Variants in SLAMF8 observed in about 807,000 individuals in gnomAD.
The protein encoded by SLAMF8 is SLAM family member 8.
In SLAMF8, 23 loss-of-function variants were observed where a neutral mutation model predicts 29.0. The ratio of observed to expected loss-of-function variants is 0.79; its 90% confidence interval spans 0.57 to 1.13. The LOEUF is 1.13. Among genes scored for constraint, SLAMF8 ranks in the 50% most tolerant of loss-of-function variants. The pLI is 0.00. For missense variants in SLAMF8, 381 were observed against 353.1 expected (o/e 1.08, Z -0.63); for synonymous variants, 139 against 145.6 (o/e 0.96, Z 0.32).
At chr1:159,831,036 C>T (rs1408623052) in intron 2 of SLAMF8, among the ~76,000 whole-genome samples, 1 of 152,200 alleles carries the variant, frequency 6.6e-6, no homozygotes. Flanking sequence ...TGTTTCCCAA[C>T]AACTCCACCT....
In SLAMF8 at chr1:159,835,180, C is replaced by A; in HGVS notation, c.782-4C>A. The A allele has an allele frequency of 6.2e-7, 1 of 1,613,540 alleles. No individual in the cohort carries two copies. Reference sequence around the variant, plus strand: ...GGTAACTTTCTTTCTGATGTCCTTACCAGGGAAAAAGAAAAAGGATGTCCA... The same window carrying A: ...GGTAACTTTCTTTCTGATGTCCTTAACAGGGAAAAAGAAAAAGGATGTCCA... On this transcript the variant is annotated splice_polypyrimidine_tract_variant and splice_region_variant and intron_variant, in intron 4 of 4. Coordinates refer to ENST00000289707, the MANE Select transcript of SLAMF8 (RefSeq NM_020125.3).
Position 159,837,192 on chromosome 1 carries a change from C to T in SLAMF8, c.*1932C>T, listed in dbSNP as rs760759722. On this transcript the variant is annotated 3_prime_UTR_variant, in exon 5 of 5. Coordinates refer to ENST00000289707, the MANE Select transcript of SLAMF8 (RefSeq NM_020125.3). Reference sequence around the variant, plus strand: ...TTCGACAGTGGTTTGTAGCGTGGTGCACCAGGGCCTTGTTGAACAGATCCA... The same window carrying T: ...TTCGACAGTGGTTTGTAGCGTGGTGTACCAGGGCCTTGTTGAACAGATCCA... 26 of 984,718 alleles carry T rather than the reference C, an allele frequency of 2.6e-5. No homozygotes were observed. The highest frequency in any genetic ancestry group is 4.7e-5 in the South Asian group (1 of 21,224). 61.0% of individuals were successfully genotyped at this position (984,718 alleles called of 1,614,324 possible). A position where few individuals can be genotyped will look rare whatever the true frequency, so the allele number is the denominator to read the frequency against.
rs1018565070 is a variant in SLAMF8 at position 159,832,967 on chromosome 1, G to T, written c.459G>T (p.Trp153Cys). Residue 153 changes from tryptophan (W) to cysteine (C), a missense_variant, in exon 3 of 5, where the codon TGG (tryptophan) becomes TGT (cysteine). Transcript: ENST00000289707. ...SKTCQVFLSC[W>C]APNISEITYS... Reference sequence around the variant, plus strand: ...CCTGCCAGGTTTTCTTGTCCTGTTGGGCCCCCAACATCAGCGAAATAACCT... The same window carrying T: ...CCTGCCAGGTTTTCTTGTCCTGTTGTGCCCCCAACATCAGCGAAATAACCT... 1.9e-6 allele frequency: 3 copies of T among 1,614,186 alleles called. No homozygotes were observed. In the Admixed American group the frequency reaches 5.0e-5, roughly 27 times the overall value.
chr1:159,827,587 A>G (rs1288046678), intron 1 of SLAMF8, among the ~76,000 whole-genome samples: 4 of 152,168 alleles, frequency 2.6e-5, no homozygotes, highest in African/African-American at 4.8e-5. Context: ...AGCAGCCAAC[A>G]TGACATGGGT....
At chr1:159,831,744 C>G (rs1189823250) in intron 2 of SLAMF8, among the ~76,000 whole-genome samples, 3 of 152,152 alleles carry the variant, frequency 2.0e-5, no homozygotes. Flanking sequence ...GCCAAGCAGC[C>G]GTCCTTAGGA....
At chr1:159,829,052 C>G (rs913030427) in intron 1 of SLAMF8, among the ~76,000 whole-genome samples, 10 of 152,160 alleles carry the variant, frequency 6.6e-5, no homozygotes, top group African/African-American at 2.4e-4. Context: ...TTACCAAATC[C>G]TACTGATTAC....
Position 159,829,912 on chromosome 1 carries a change from C to A in SLAMF8, c.87C>A (p.Val29=), listed in dbSNP as rs1024122954. ...CTGGTGCCCAAGTGCTGAGCAAAGT[C>A]GGGGGCTCGGTGCTGCTGGTGGCAG... is the stretch of plus-strand genomic sequence containing the variant. The part of the protein sequence containing the change: ...TVTGAQVLSK[V]GGSVLLVAAR... The change falls in exon 2 of 5, where the codon GTC becomes GTA. Residue 29 remains valine (V), a synonymous_variant. Coordinates refer to ENST00000289707, the MANE Select transcript of SLAMF8 (RefSeq NM_020125.3). 6.8e-6 allele frequency: 11 copies of A among 1,613,862 alleles called. No individual in the cohort carries two copies. The African/African-American group carries it at 1.5e-4, about 22-fold the overall frequency.
chr1:159,830,397 A>T (rs559014895), intron 2 of SLAMF8, among the ~76,000 whole-genome samples: 18 of 152,172 alleles, frequency 1.2e-4, no homozygotes, highest in African/African-American at 4.3e-4. Context: ...GCCATTTCAC[A>T]GTGCTTGCCT....
chr1:159,827,937 G>A (rs1480121007), intron 1 of SLAMF8, among the ~76,000 whole-genome samples: 1 of 151,850 alleles, frequency 6.6e-6, no homozygotes, highest in East Asian at 1.9e-4. Flanking sequence ...GGGTTCAAGC[G>A]ATTCTCCTGT....
chr1:159,830,148 C>A lies in SLAMF8; in HGVS notation c.323C>A (p.Thr108Lys). The A allele has an allele frequency of 1.2e-6, 2 of 1,613,428 alleles. No homozygotes were observed. The highest frequency in any genetic ancestry group is 2.2e-5 in the South Asian group (2 of 91,012). Residue 108 changes from threonine (T) to lysine (K), a missense_variant, in exon 2 of 5, where the codon ACA becomes AAA. By Grantham distance (78) the Thr-to-Lys change is moderately conservative (BLOSUM62 -1). Transcript: ENST00000289707. ...SGNFSVLMVD[T>K]RGQPWTQTLQ... ...AACTTCTCCGTGTTGATGGTGGACA[C>A]AAGGGGCCAGCCCTGGACCCAGACC... is the stretch of plus-strand genomic sequence containing the variant.
chr1:159,831,294 A>T lies in SLAMF8; in HGVS notation c.367+1102A>T, dbSNP rs1647470251. Among the ~76,000 whole-genome samples, 3 of 152,090 alleles carry T rather than the reference A, an allele frequency of 2.0e-5. No individual in the cohort carries two copies. The South Asian group carries it at 6.2e-4, about 32-fold the overall frequency. ...ATGAGGGAGATAAAGATTGTAAGCA[A>T]ATTGGGGAGATGTCTTGAATCCCCC... On this transcript the variant is annotated intron_variant, in intron 2 of 4. Coordinates refer to ENST00000289707, the MANE Select transcript of SLAMF8 (RefSeq NM_020125.3).
At chr1:159,832,148 A>G (rs957940416) in intron 2 of SLAMF8, among the ~76,000 whole-genome samples, 2 of 152,200 alleles carry the variant, frequency 1.3e-5, no homozygotes, top group Non-Finnish European at 2.9e-5. Flanking sequence ...CAGTGACCAG[A>G]TATCGAGCAC....
intron 2 of SLAMF8, among the ~76,000 whole-genome samples, chr1:159,832,334 G>A (rs531732118): frequency 6.6e-6 from 1 of 152,188 alleles, no homozygotes; most frequent in African/African-American, 2.4e-5. Flanking sequence ...CTAGGAATGT[G>A]TTTGTTTTCT....
chr1:159,827,324 G>A (rs776171391), intron 1 of SLAMF8, among the ~76,000 whole-genome samples: 1 of 152,178 alleles, frequency 6.6e-6, no homozygotes, highest in Non-Finnish European at 1.5e-5. Context: ...GCAGAGGGCA[G>A]GGCAGAGCAG....
chr1:159,836,351 T>G lies in SLAMF8; in HGVS notation c.*1091T>G, dbSNP rs1647934438. ...AGGTCACTCTGACTCCATCAAACTT[T>G]TTATTGTGGCCATCTTAGGAAAATA... is the stretch of plus-strand genomic sequence containing the variant. On this transcript the variant is annotated 3_prime_UTR_variant, in exon 5 of 5. Coordinates refer to ENST00000289707, the MANE Select transcript of SLAMF8 (RefSeq NM_020125.3). 1.0e-6 allele frequency: 1 copy of G among 985,412 alleles called. No homozygotes were observed. Among genetic ancestry groups the G allele is most frequent in the African/African-American group, 1.7e-5 (1 of 57,348 alleles). 61.0% of individuals were successfully genotyped at this position (985,412 alleles called of 1,614,324 possible). A position where few individuals can be genotyped will look rare whatever the true frequency, so the allele number is the denominator to read the frequency against.
chr1:159,834,242 T>C (rs945633146), intron 4 of SLAMF8, among the ~76,000 whole-genome samples: 1 of 152,174 alleles, frequency 6.6e-6, no homozygotes, highest in Admixed American at 6.5e-5. Flanking sequence ...GCCCTCACTA[T>C]GGTGGGTGTG....
At chr1:159,829,597 G>C (rs185595640) in intron 1 of SLAMF8, among the ~76,000 whole-genome samples, 1 of 152,292 alleles carries the variant, frequency 6.6e-6, no homozygotes, top group East Asian at 1.9e-4. Flanking sequence ...TTCTCCCAGG[G>C]CATCTCATTT....
intron 4 of SLAMF8, chr1:159,834,401 G>GCCCTGGC (rs200478328): frequency 5.9e-5 from 9 of 152,396 alleles, no homozygotes; most frequent in African/African-American, 1.7e-4. Flanking sequence ...GGAGGGTATT[G>GCCCTGGC]CCCTGGCCCC....
At chr1:159,835,038 A>G (rs1647807284) in intron 4 of SLAMF8, 146 bp from the exon 5 acceptor site, 1 of 684,388 alleles carries the variant, frequency 1.5e-6, no homozygotes, top group Non-Finnish European at 2.5e-6. Flanking sequence ...CTCCCTTTCC[A>G]GGGTGTTGGA....
Sources: allele counts gnomAD v4.1 joint callset (sites outside exome capture counted in the v4.1 genomes callset), GRCh38; gene constraint gnomAD v4.1.1; transcripts MANE v1.5; gene names NCBI Gene and HGNC (gene_info 2026-07-23, HGNC 2026-07-21).